The following SUZ12 variants were observed in gnomAD, a reference collection of about 807,000 sequenced individuals.
SUZ12 encodes the protein polycomb protein SUZ12.
SUZ12 carries 17 observed loss-of-function variants against 87.3 expected under a neutral mutation model. That is an observed-to-expected ratio of 0.19 (90% CI 0.13 to 0.29). SUZ12 has a LOEUF of 0.29. Ranked by LOEUF, SUZ12 falls within the 10% of genes least tolerant of loss-of-function variation. The probability of loss-of-function intolerance (pLI) is 1.00; values close to 1 mark genes in which losing one functional copy is unlikely to be tolerated. For missense variants in SUZ12, 526 were observed against 912.2 expected, an observed-to-expected ratio of 0.58 and a Z score of 5.45; for synonymous variants, 253 against 312.4, an observed-to-expected ratio of 0.81 and a Z score of 2.01.
chr17:31,955,043 G>T (rs1269453176), intron 4 of SUZ12, among the ~76,000 whole-genome samples: 2 of 152,216 alleles, frequency 1.3e-5, no homozygotes, highest in Non-Finnish European at 2.9e-5. Context: ...CGGGAGTGCA[G>T]TGATAGGTTC....
chr17:31,984,414 G>GA (rs138884647), intron 9 of SUZ12, among the ~76,000 whole-genome samples: 16,226 of 151,770 alleles, frequency 0.11, 1,060 homozygotes, highest in Middle Eastern at 0.15. Context: ...CATAAGCATG[G>GA]AAAAAAAATA....
chr17:31,971,457 C>T (rs1474070487), intron 5 of SUZ12, among the ~76,000 whole-genome samples: 3 of 108,650 alleles, frequency 2.8e-5, no homozygotes, highest in Admixed American at 2.6e-4. Context: ...GATGGAGTTT[C>T]GCTCTTGTTG....
chr17:31,976,486 A>G (rs1423955124), intron 7 of SUZ12, 35 bp from the exon 8 acceptor site: 1 of 1,548,096 alleles, frequency 6.5e-7, no homozygotes. Flanking sequence ...TTTTGTTCTA[A>G]TATTTGATTT....
chr17:31,992,255 G>A (rs537108719), intron 10 of SUZ12, among the ~76,000 whole-genome samples: 1 of 152,148 alleles, frequency 6.6e-6, no homozygotes, highest in African/African-American at 2.4e-5. Context: ...TTGTGCCACT[G>A]CACGCCAGCC....
At chr17:31,939,116 T>G (rs1906117674) in intron 1 of SUZ12, among the ~76,000 whole-genome samples, 3 of 152,242 alleles carry the variant, frequency 2.0e-5, no homozygotes, top group Admixed American at 2.0e-4. Context: ...TCAACTCATT[T>G]TAAGCGTTAG....
intron 10 of SUZ12, among the ~76,000 whole-genome samples, chr17:31,992,494 C>T (rs1289398254): frequency 6.6e-6 from 1 of 152,114 alleles, no homozygotes; most frequent in Non-Finnish European, 1.5e-5. Context: ...ACTGCAAGCT[C>T]TGCCTCCCAG....
intron 14 of SUZ12, among the ~76,000 whole-genome samples, chr17:31,996,070 C>T (rs2142218217): frequency 6.6e-6 from 1 of 152,170 alleles, no homozygotes; most frequent in South Asian, 2.1e-4. Flanking sequence ...ATTAGCCAGG[C>T]ATGGTGGCAT....
At position 31,958,585 on chromosome 17, in the gene SUZ12, C is replaced by T. The variant is rs368828291; in HGVS notation, c.456-7562C>T. On this transcript the variant is annotated intron_variant, in intron 4 of 15. Coordinates refer to ENST00000322652, the MANE Select transcript of SUZ12 (RefSeq NM_015355.4). ...AAATTAGGCCAGGTGCGGTGGCTCA[C>T]GCCTGTAATCCCAGCACTTTGGGAG... Among the ~76,000 whole-genome samples the T allele has an allele frequency of 9.7e-4, 148 of 151,924 alleles. 1 individual carries two copies. The highest frequency in any genetic ancestry group is 3.2e-3 in the African/African-American group (133 of 41,436).
At chr17:31,958,431 C>A (rs552151636) in intron 4 of SUZ12, among the ~76,000 whole-genome samples, 38 of 152,214 alleles carry the variant, frequency 2.5e-4, no homozygotes, top group Admixed American at 1.6e-3. Context: ...TTAGGCTGGC[C>A]CAGGCATGGT....
chr17:31,962,403 T>C (rs796834899), intron 4 of SUZ12, among the ~76,000 whole-genome samples: 26,131 of 149,492 alleles, frequency 0.17, no homozygotes, highest in African/African-American at 0.32. Flanking sequence ...CCAGCCTGGG[T>C]AACATGGCAA....
chr17:31,979,103 C>CAAAAAAAAA (rs61307349), intron 8 of SUZ12, among the ~76,000 whole-genome samples: 15 of 65,258 alleles, frequency 2.3e-4, no homozygotes, highest in African/African-American at 5.8e-4. Context: ...ACTGTGTCTC[C>CAAAAAAAAA]AAAAAAAAAA....
intron 3 of SUZ12, among the ~76,000 whole-genome samples, chr17:31,946,776 T>G (rs2142127808): frequency 6.6e-6 from 1 of 152,346 alleles, no homozygotes; most frequent in East Asian, 1.9e-4. Flanking sequence ...ATAGACCACC[T>G]TAAGAACTAA....
chr17:31,971,222 A>C (rs1315502249), intron 5 of SUZ12, among the ~76,000 whole-genome samples: 2 of 152,076 alleles, frequency 1.3e-5, no homozygotes, highest in Non-Finnish European at 2.9e-5. Context: ...TGTTTTTTGA[A>C]ATCCATTTTT....
intron 4 of SUZ12, among the ~76,000 whole-genome samples, chr17:31,951,895 C>T (rs1380045293): frequency 6.6e-6 from 1 of 151,552 alleles, no homozygotes; most frequent in Non-Finnish European, 1.5e-5. Context: ...CTGCCGCAGC[C>T]TCCCTAGTAG....
At chr17:31,938,693 A>G (rs1241748894) in intron 1 of SUZ12, among the ~76,000 whole-genome samples, 1 of 152,224 alleles carries the variant, frequency 6.6e-6, no homozygotes. Flanking sequence ...TGGTGACAAT[A>G]ATGATACTTG....
At chr17:31,940,535 A>G (rs1906209730) in intron 3 of SUZ12, 49 bp downstream of exon 3, 18 of 1,507,436 alleles carry the variant, frequency 1.2e-5, no homozygotes, top group Non-Finnish European at 1.5e-5. Flanking sequence ...TGTTAGTTTT[A>G]TTTTAAAGTA....
chr17:31,987,509 T>G (rs1909478547), intron 9 of SUZ12, among the ~76,000 whole-genome samples: 1 of 152,026 alleles, frequency 6.6e-6, no homozygotes, highest in African/African-American at 2.4e-5. Context: ...TCATTGTCAG[T>G]GAAACTGAGA....
At chr17:31,986,774 AC>A (rs1168035794) in intron 9 of SUZ12, among the ~76,000 whole-genome samples, 1 of 151,620 alleles carries the variant, frequency 6.6e-6, no homozygotes, top group African/African-American at 2.4e-5. Flanking sequence ...ATGGTCTCGA[AC>A]TCCTGACCTC....
At position 32,000,789 on chromosome 17, in the gene SUZ12, CTT is replaced by C. The variant is rs1910218610; in HGVS notation, c.*1787_*1788del. The C allele has an allele frequency of 4.3e-6, 1 of 230,008 alleles. No individual in the cohort carries two copies. The highest frequency in any genetic ancestry group is 6.3e-5 in the East Asian group (1 of 15,972). 14.2% of individuals were successfully genotyped at this position (230,008 alleles called of 1,614,324 possible). ...CCCACCCCAAATAGTAATAAAATTA[CTT>C]CTGTTGAGTAAACTTTTTATGTCAT... On this transcript the variant is annotated 3_prime_UTR_variant, in exon 16 of 16. Coordinates refer to ENST00000322652, the MANE Select transcript of SUZ12 (RefSeq NM_015355.4).
Sources: allele counts gnomAD v4.1 joint callset (sites outside exome capture counted in the v4.1 genomes callset), GRCh38; gene constraint gnomAD v4.1.1; transcripts MANE v1.5; gene names NCBI Gene and HGNC (gene_info 2026-07-23, HGNC 2026-07-21).